ARNT2: variants seen among roughly 807,000 people sequenced by gnomAD.
The protein encoded by ARNT2 is ARNT protein 2.
Under a neutral mutation model 91.7 loss-of-function variants are expected in ARNT2, and 36 were observed. The ratio of observed to expected loss-of-function variants is 0.39; its 90% confidence interval spans 0.30 to 0.52. The LOEUF is 0.52. Ranked by LOEUF, ARNT2 falls within the 20% of genes least tolerant of loss-of-function variation. ARNT2 has a pLI of 0.72. For synonymous variants in ARNT2, 365 were observed against 347.1 expected, an observed-to-expected ratio of 1.05 and a Z score of -0.57; for missense variants, 775 against 939.3, an observed-to-expected ratio of 0.83 and a Z score of 2.29.
At chr15:80,490,003 T>C (rs2141410588) in intron 5 of ARNT2, among the ~76,000 whole-genome samples, 1 of 152,258 alleles carries the variant, frequency 6.6e-6, no homozygotes, top group South Asian at 2.1e-4. Flanking sequence ...ATGCTTGTCA[T>C]CTTTTTTTTT....
Position 80,457,872 on chromosome 15 carries a change from T to C in ARNT2, c.147-57T>C, listed in dbSNP as rs900381648. The C allele has an allele frequency of 5.0e-6, 8 of 1,585,564 alleles. No individual in the cohort carries two copies. In the African/African-American group the frequency reaches 1.1e-4, roughly 21 times the overall value. ...CTCCTTTTGTTCCAGCAGCTCCTGT[T>C]ACCAGTTAAAATGTTCTCCTAATAA... On this transcript the variant is annotated intron_variant, in intron 2 of 18. Coordinates refer to ENST00000303329, the MANE Select transcript of ARNT2 (RefSeq NM_014862.4).
At chr15:80,545,964 A>G (rs1897983233) in intron 8 of ARNT2, among the ~76,000 whole-genome samples, 1 of 152,188 alleles carries the variant, frequency 6.6e-6, no homozygotes. Flanking sequence ...GTCTTCCACC[A>G]TGATCACTCA....
At chr15:80,589,700 C>T (rs548731637) in intron 17 of ARNT2, among the ~76,000 whole-genome samples, 3 of 152,324 alleles carry the variant, frequency 2.0e-5, no homozygotes, top group South Asian at 2.1e-4. Flanking sequence ...GGCGATGCTA[C>T]TGTTTTAACT....
chr15:80,578,441 C>T (rs1034999097), intron 15 of ARNT2, among the ~76,000 whole-genome samples: 1 of 151,730 alleles, frequency 6.6e-6, no homozygotes, highest in African/African-American at 2.4e-5. Flanking sequence ...CTCACACAGG[C>T]TCTGCACCTC....
chr15:80,564,202 A>G (rs1288524088), intron 12 of ARNT2, among the ~76,000 whole-genome samples: 1 of 151,696 alleles, frequency 6.6e-6, no homozygotes, highest in African/African-American at 2.4e-5. Flanking sequence ...CCAGTTCAGC[A>G]CTCAGTCGGG....
At chr15:80,516,855 A>ATATATATATATATATATATC (rs1491249404) in intron 8 of ARNT2, among the ~76,000 whole-genome samples, 2 of 142,634 alleles carry the variant, frequency 1.4e-5, no homozygotes, top group African/African-American at 2.5e-5. Flanking sequence ...ATATATATAT[A>ATATATATATATATATATATC]TCCATGTTCA....
At chr15:80,423,269 C>T (rs1001655995) in intron 1 of ARNT2, among the ~76,000 whole-genome samples, 1 of 152,204 alleles carries the variant, frequency 6.6e-6, no homozygotes, top group Non-Finnish European at 1.5e-5. Flanking sequence ...GGGTCAACGT[C>T]ACCATCATCC....
At chr15:80,561,951 A>T (rs906649847) in intron 11 of ARNT2, among the ~76,000 whole-genome samples, 1 of 152,196 alleles carries the variant, frequency 6.6e-6, no homozygotes, top group Non-Finnish European at 1.5e-5. Flanking sequence ...GTGTGTATAT[A>T]TAGGAAACAG....
At chr15:80,405,552 A>G (rs1040256951) in intron 1 of ARNT2, among the ~76,000 whole-genome samples, 3 of 152,176 alleles carry the variant, frequency 2.0e-5, no homozygotes, top group African/African-American at 7.2e-5. Flanking sequence ...TAGAATTAGG[A>G]ATGAAAGATC....
intron 3 of ARNT2, among the ~76,000 whole-genome samples, chr15:80,458,666 C>CT (rs112077679): frequency 0.043 from 6,229 of 145,500 alleles, 164 homozygotes; most frequent in South Asian, 0.099. Flanking sequence ...ATGACTGTGT[C>CT]TTTTTTTTTT....
At chr15:80,463,964 G>A (rs1382900963) in intron 3 of ARNT2, among the ~76,000 whole-genome samples, 1 of 152,184 alleles carries the variant, frequency 6.6e-6, no homozygotes, top group Non-Finnish European at 1.5e-5. Context: ...ACCCGCTTCA[G>A]TTTTTCTGCT....
chr15:80,553,053 G>A (rs1288599093), intron 10 of ARNT2, among the ~76,000 whole-genome samples: 1 of 152,062 alleles, frequency 6.6e-6, no homozygotes, highest in African/African-American at 2.4e-5. Flanking sequence ...TATTAATAGG[G>A]GATCTCTTAT....
intron 5 of ARNT2, among the ~76,000 whole-genome samples, chr15:80,479,823 G>C (rs564311993): frequency 6.6e-6 from 1 of 152,296 alleles, no homozygotes; most frequent in South Asian, 2.1e-4. Context: ...GGCTGATCCT[G>C]ATGGCCAGGG....
At chr15:80,465,246 G>A (rs1270086524) in intron 3 of ARNT2, among the ~76,000 whole-genome samples, 1 of 152,222 alleles carries the variant, frequency 6.6e-6, no homozygotes, top group Non-Finnish European at 1.5e-5. Context: ...TGGTCTTCCA[G>A]TTCTAGTGCA....
At chr15:80,470,470 A>C (rs764167107) in intron 4 of ARNT2, 39 bp downstream of exon 4, 1 of 1,598,350 alleles carries the variant, frequency 6.3e-7, no homozygotes, top group Non-Finnish European at 8.6e-7. Flanking sequence ...AAGCGGGGGG[A>C]ATCCCAGCGT....
chr15:80,428,141 G>A (rs372475807), intron 1 of ARNT2, among the ~76,000 whole-genome samples: 52 of 152,266 alleles, frequency 3.4e-4, no homozygotes, highest in Non-Finnish European at 6.8e-4. Flanking sequence ...AAGACTCCGT[G>A]TGGGCCAGAG....
chr15:80,583,681 A>G (rs1344729155), intron 17 of ARNT2, among the ~76,000 whole-genome samples: 2 of 152,234 alleles, frequency 1.3e-5, no homozygotes, highest in Non-Finnish European at 2.9e-5. Context: ...TAAGTAAACT[A>G]AGGCACACTG....
At chr15:80,409,680 G>A (rs1387580260) in intron 1 of ARNT2, among the ~76,000 whole-genome samples, 1 of 152,172 alleles carries the variant, frequency 6.6e-6, no homozygotes, top group Non-Finnish European at 1.5e-5. Flanking sequence ...ACACAATTGG[G>A]TTAGTTATGA....
chr15:80,521,724 T>C (rs1019975327), intron 8 of ARNT2, among the ~76,000 whole-genome samples: 2 of 152,146 alleles, frequency 1.3e-5, no homozygotes, highest in Non-Finnish European at 2.9e-5. Flanking sequence ...AAACGTTTCG[T>C]AGAATGTTGG....
Sources: gnomAD v4.1 joint callset for allele counts (sites outside exome capture counted in the v4.1 genomes callset) on GRCh38, gnomAD v4.1.1 for gene constraint, MANE v1.5 for transcripts, NCBI Gene and HGNC (gene_info 2026-07-23, HGNC 2026-07-21) for gene names.